The following RPL32 variants were observed in gnomAD, a reference collection of about 807,000 sequenced individuals.
RPL32 encodes ribosomal protein L32, also known as large ribosomal subunit protein eL32.
For synonymous variants in RPL32, 61 were observed against 62.6 expected (o/e 0.98, Z 0.12); for missense variants, 117 against 173.7 (o/e 0.67, Z 1.83).
At chr3:12,840,088 T>G in intron 2 of RPL32, 54 bp downstream of exon 2, 1 of 1,372,100 alleles carries the variant, frequency 7.3e-7, no homozygotes, top group Non-Finnish European at 1.0e-6. Context: ...TGTCAGAAAC[T>G]GTTGGAAACT....
At position 12,840,206 on chromosome 3, in the gene RPL32, T is replaced by G; in HGVS notation, c.32A>C (p.Lys11Thr). 1 of 1,614,026 alleles carries G rather than the reference T, an allele frequency of 6.2e-7. No homozygotes were observed. The highest frequency in any genetic ancestry group is 8.5e-7 in the Non-Finnish European group (1 of 1,179,898). Residue 11 changes from lysine (K) to threonine (T), a missense_variant, in exon 2 of 4, where the codon AAG becomes ACG. Lys to Thr is a moderately conservative substitution (Grantham distance 78, BLOSUM62 -1). Transcript: ENST00000429711. Reference protein sequence around the residue: MAALRPLVKPKIVKKRTKKFI... With the variant: MAALRPLVKPTIVKKRTKKFI... ...CTTCTTGGTTCTCTTTTTGACGATC[T>G]TGGGCTTCACAAGGGGTCTGAGGGC...
intron 1 of RPL32, chr3:12,840,561 T>A (rs1575790893): frequency 2.0e-6 from 1 of 504,072 alleles, no homozygotes; most frequent in East Asian, 5.1e-5. Flanking sequence ...ACCCCACCAG[T>A]GTCCGAACCC....
At chr3:12,838,038 C>T (rs1575788973) in intron 3 of RPL32, among the ~76,000 whole-genome samples, 1 of 152,150 alleles carries the variant, frequency 6.6e-6, no homozygotes, top group African/African-American at 2.4e-5. Flanking sequence ...GAGTTTGGGG[C>T]TGCGGTGTGC....
At position 12,835,674 on chromosome 3, in the gene RPL32, T is replaced by C. The variant is rs1327975062; in HGVS notation, c.*420A>G. ...TCCCGTAAGAATCTGTGTAAGAAAT[T>C]CATCTGGATATTTCCATGCATATTT... On this transcript the variant is annotated 3_prime_UTR_variant, in exon 4 of 4. Coordinates refer to ENST00000429711, the MANE Select transcript of RPL32 (RefSeq NM_000994.4). The C allele has an allele frequency of 6.0e-6, 1 of 166,254 alleles. No homozygotes were observed. The highest frequency in any genetic ancestry group is 1.3e-5 in the Non-Finnish European group (1 of 76,286). 10.3% of individuals were successfully genotyped at this position (166,254 alleles called of 1,614,324 possible).
intron 3 of RPL32, among the ~76,000 whole-genome samples, chr3:12,837,844 C>A (rs1398297785): frequency 6.6e-6 from 1 of 152,206 alleles, no homozygotes; most frequent in Non-Finnish European, 1.5e-5. Flanking sequence ...TGTCACTTCC[C>A]ATGAGAATTT....
rs2062084756 is a variant in RPL32, at chr3:12,834,641, GCATCTTCCATGCCACCACCCAGGCATAAC to G, written c.*1424_*1452del. On this transcript the variant is annotated 3_prime_UTR_variant, in exon 4 of 4. Coordinates refer to ENST00000429711, the MANE Select transcript of RPL32 (RefSeq NM_000994.4). ...TTATTAGCAAATTGGGCAACAATGGGCATCTTCCATGCCACCACCCAGGCATAACCAGTTGGTTTGTTTCCTTCTGAGGA... is the reference window on the plus strand; with the variant it reads ...TTATTAGCAAATTGGGCAACAATGGGCAGTTGGTTTGTTTCCTTCTGAGGA... 1 of 152,528 alleles carries G rather than the reference GCATCTTCCATGCCACCACCCAGGCATAAC, an allele frequency of 6.6e-6. No individual in the cohort carries two copies. Among genetic ancestry groups the G allele is most frequent in the African/African-American group, 2.4e-5 (1 of 41,446 alleles). 9.4% of individuals were successfully genotyped at this position (152,528 alleles called of 1,614,324 possible).
chr3:12,839,692 C>T, intron 2 of RPL32, 162 bp from the exon 3 acceptor site: 2 of 747,982 alleles, frequency 2.7e-6, no homozygotes, highest in Admixed American at 2.4e-5. Context: ...TGGGAAAAAC[C>T]AGGAGCTCGT....
Position 12,840,257 on chromosome 3 carries a change from G to A in RPL32, c.-5-15C>T. On this transcript the variant is annotated splice_polypyrimidine_tract_variant and intron_variant, in intron 1 of 3. Transcript: ENST00000429711. ...GGCCATGATGCCTTTTGGGGAAGAA[G>A]CGGCCCCAGGTGAGGAAGAATCCTG... 1.9e-6 allele frequency: 3 copies of A among 1,582,056 alleles called. No individual in the cohort carries two copies. Among genetic ancestry groups the A allele is most frequent in the Non-Finnish European group, 2.6e-6 (3 of 1,150,948 alleles).
At chr3:12,840,091 T>C in intron 2 of RPL32, 51 bp downstream of exon 2, 1 of 1,290,940 alleles carries the variant, frequency 7.7e-7, no homozygotes, top group Non-Finnish European at 1.1e-6. Context: ...CAGAAACTGT[T>C]GGAAACTCTT....
chr3:12,839,089 A>G (rs1173035561), intron 3 of RPL32: 3 of 558,814 alleles, frequency 5.4e-6, no homozygotes, highest in African/African-American at 3.8e-5. Flanking sequence ...CTATTATTGC[A>G]GTGTTCACAA....
chr3:12,836,285 T>G, intron 3 of RPL32, 62 bp from the exon 4 acceptor site: 1 of 1,593,976 alleles, frequency 6.3e-7, no homozygotes. Flanking sequence ...AAAATTCCAT[T>G]GGAGAGGCAA....
chr3:12,836,712 A>G (rs1395261569), intron 3 of RPL32, among the ~76,000 whole-genome samples: 5 of 152,232 alleles, frequency 3.3e-5, no homozygotes, highest in Admixed American at 1.3e-4. Flanking sequence ...AACAATGCTT[A>G]AAGTCACCCA....
Position 12,835,989 on chromosome 3 carries a change from G to T in RPL32, c.*105C>A. The stretch of plus-strand genomic sequence containing the variant: ...GCTTAAGCAAAAGAACAATCTCTGT[G>T]GCAAACTAAGTTGGCCAAGAAGCTG... On this transcript the variant is annotated 3_prime_UTR_variant, in exon 4 of 4. Coordinates refer to ENST00000429711, the MANE Select transcript of RPL32 (RefSeq NM_000994.4). 2 of 1,385,840 alleles carry T rather than the reference G, an allele frequency of 1.4e-6. No homozygotes were observed. The highest frequency in any genetic ancestry group is 1.0e-6 in the Non-Finnish European group (1 of 1,002,524). The allele number at this position is 1,385,840 out of a possible 1,614,324, so 85.8% of individuals were successfully genotyped here. A position where few individuals can be genotyped will look rare whatever the true frequency, so the allele number is the denominator to read the frequency against.
At position 12,834,685 on chromosome 3, in the gene RPL32, C is replaced by G. The variant is rs1209197563; in HGVS notation, c.*1409G>C. 6.6e-6 allele frequency: 1 copy of G among 152,332 alleles called. No homozygotes were observed. The highest frequency in any genetic ancestry group is 1.5e-5 in the Non-Finnish European group (1 of 68,166). The allele number at this position is 152,332 out of a possible 1,614,324, so 9.4% of individuals were successfully genotyped here. A position where few individuals can be genotyped will look rare whatever the true frequency, so the allele number is the denominator to read the frequency against. ...CCAGGCATAACCAGTTGGTTTGTTT[C>G]CTTCTGAGGAAGGTTTCAAATGTGT... On this transcript the variant is annotated 3_prime_UTR_variant, in exon 4 of 4. Transcript: ENST00000429711.
chr3:12,839,559 G>C, intron 2 of RPL32, 29 bp from the exon 3 acceptor site: 1 of 1,609,642 alleles, frequency 6.2e-7, no homozygotes, highest in East Asian at 2.2e-5. Flanking sequence ...AGGTGGGTTA[G>C]CGTCTGTGCA....
chr3:12,837,374 G>A (rs1313731969), intron 3 of RPL32, among the ~76,000 whole-genome samples: 1 of 152,202 alleles, frequency 6.6e-6, no homozygotes, highest in East Asian at 1.9e-4. Context: ...AAGGACAAAT[G>A]CCCAGAAATG....
At chr3:12,838,645 AT>A (rs1436382573) in intron 3 of RPL32, among the ~76,000 whole-genome samples, 1 of 151,362 alleles carries the variant, frequency 6.6e-6, no homozygotes, top group Non-Finnish European at 1.5e-5. Context: ...TAAGCCAAAA[AT>A]AAAATTCAAA....
At position 12,839,314 on chromosome 3, in the gene RPL32, T is replaced by C. The variant is rs1484183059; in HGVS notation, c.278+35A>G. Reference sequence around the variant, plus strand: ...AAGTGCTCACACAGATGCAAACTTCTGATCACTGAAAACTAGAGGTGGGAC... The same window carrying C: ...AAGTGCTCACACAGATGCAAACTTCCGATCACTGAAAACTAGAGGTGGGAC... On this transcript the variant is annotated intron_variant, in intron 3 of 3. Coordinates refer to ENST00000429711, the MANE Select transcript of RPL32 (RefSeq NM_000994.4). 9 of 1,604,110 alleles carry C rather than the reference T, an allele frequency of 5.6e-6. No homozygotes were observed. In the South Asian group the frequency reaches 9.9e-5, roughly 18 times the overall value.
intron 3 of RPL32, among the ~76,000 whole-genome samples, chr3:12,837,582 C>T (rs1212628805): frequency 1.3e-5 from 2 of 152,190 alleles, no homozygotes; most frequent in African/African-American, 4.8e-5. Context: ...ATTCCTTCGC[C>T]CATCTTTTCT....
Sources: gnomAD v4.1 joint callset for allele counts (sites outside exome capture counted in the v4.1 genomes callset) on GRCh38, gnomAD v4.1.1 for gene constraint, MANE v1.5 for transcripts, NCBI Gene and HGNC (gene_info 2026-07-23, HGNC 2026-07-21) for gene names.